The following C1orf167 variants were observed in gnomAD, a reference collection of about 807,000 sequenced individuals.
The protein encoded by C1orf167 is chromosome 1 open reading frame 167.
Under a neutral mutation model 176.5 loss-of-function variants are expected in C1orf167, and 153 were observed. That is an observed-to-expected ratio of 0.87 (90% CI 0.76 to 0.99). The LOEUF (loss-of-function observed/expected upper bound fraction) is 0.99. Among genes scored for constraint, C1orf167 ranks in the 50% least tolerant of loss-of-function variants. The pLI is 0.00. For missense variants in C1orf167, 1,490 were observed against 1,817.7 expected (o/e 0.82, Z 3.28); for synonymous variants, 594 against 752.7 (o/e 0.79, Z 3.45).
Position 11,766,303 on chromosome 1 carries a change from G to C in C1orf167, c.517G>C (p.Ala173Pro), listed in dbSNP as rs1342469366. 7.8e-7 allele frequency: 1 copy of C among 1,289,308 alleles called. No individual in the cohort carries two copies. The highest frequency in any genetic ancestry group is 1.2e-5 in the South Asian group (1 of 80,960). The allele number at this position is 1,289,308 out of a possible 1,614,324, so 79.9% of individuals were successfully genotyped here. A position where few individuals can be genotyped will look rare whatever the true frequency, so the allele number is the denominator to read the frequency against. Residue 173 changes from alanine to proline, a missense_variant, in exon 3 of 21, where the codon GCC becomes CCC. Coordinates refer to ENST00000688073, the MANE Select transcript of C1orf167 (RefSeq NM_001010881.2). This position sits in a 1 kb window ranked among gnomAD's most constrained non-coding sequence, Gnocchi z 4.5. ...SSCLRQSGLPAPGTPSGDFRP... is the reference protein window; with the variant it reads ...SSCLRQSGLPPPGTPSGDFRP... ...CTGCCTGAGGCAGTCCGGGCTGCCG[G>C]CCCCAGGCACCCCTAGCGGGGACTT...
rs879495708 is a variant in C1orf167 at position 11,784,454 on chromosome 1, CATGAG to C, written c.3287_3291del (p.His1096ArgfsTer27). On this transcript the variant is annotated frameshift_variant, in exon 15 of 21. Transcript: ENST00000688073. LOFTEE classifies it high-confidence loss of function. Reference sequence around the variant, plus strand: ...ATGGCCAGTGGCCCCGGGCATGCACCATGAGGCCCAGCAGCAGGCAGGAGAGAGCG... The same window carrying C: ...ATGGCCAGTGGCCCCGGGCATGCACCGCCCAGCAGCAGGCAGGAGAGAGCG... The C allele has an allele frequency of 3.1e-5, 40 of 1,303,402 alleles. No homozygotes were observed. The highest frequency in any genetic ancestry group is 3.8e-5 in the Non-Finnish European group (38 of 988,934). The allele number at this position is 1,303,402 out of a possible 1,614,324, so 80.7% of individuals were successfully genotyped here.
chr1:11,785,389 G>A (rs1643812984), intron 16 of C1orf167, 100 bp downstream of exon 16: 1 of 1,152,788 alleles, frequency 8.7e-7, no homozygotes, highest in Admixed American at 3.4e-5. Flanking sequence ...ACAGGTGAAG[G>A]GAGCCTAGGC....
chr1:11,763,338 G>T (rs1642617991), intron 1 of C1orf167, among the ~76,000 whole-genome samples: 1 of 152,046 alleles, frequency 6.6e-6, no homozygotes. Context: ...CTTGTTAGAG[G>T]CTGAGGTGGG....
chr1:11,782,974 C>T (rs1028092324), intron 14 of C1orf167, among the ~76,000 whole-genome samples: 3 of 151,412 alleles, frequency 2.0e-5, no homozygotes, highest in African/African-American at 7.3e-5. Context: ...TACCATAACG[C>T]CCATTGTGAG....
rs924831768 is a variant in C1orf167 at position 11,767,025 on chromosome 1, G to A, written c.1239G>A (p.Arg413=). 5.7e-6 allele frequency: 7 copies of A among 1,219,256 alleles called. No individual in the cohort carries two copies. Among genetic ancestry groups the A allele is most frequent in the Middle Eastern group, 4.8e-4 (2 of 4,180 alleles). 75.5% of individuals were successfully genotyped at this position (1,219,256 alleles called of 1,614,324 possible). ...GGGCCCCGAGGGAGCGGGTCCACAG[G>A]GAGGAGGAGAGGACAGCTTTCCATC... ...EEGAPRERVH[R]EEERTAFHLS... is the part of the protein sequence containing the mutation. Residue 413 remains arginine, a synonymous_variant, in exon 3 of 21, where the codon AGG becomes AGA. Transcript: ENST00000688073.
At position 11,788,345 on chromosome 1, in the gene C1orf167, T is replaced by A. The variant is rs1643960475; in HGVS notation, c.4045T>A (p.Cys1349Ser). ...CAGTGGCATGGCAGCACTGGGTGGATGCCCAAGGGGCAGAGCAGCTGGTGC... is the reference window on the plus strand; with the variant it reads ...CAGTGGCATGGCAGCACTGGGTGGAAGCCCAAGGGGCAGAGCAGCTGGTGC... ...PGSGMAALGGCPRGRAAGADP... is the reference protein window; with the variant it reads ...PGSGMAALGGSPRGRAAGADP... Residue 1349 changes from cysteine (C) to serine (S), a missense_variant, in exon 19 of 21, where the codon TGC (cysteine) becomes AGC (serine). Transcript: ENST00000688073. The A allele has an allele frequency of 1.5e-6, 2 of 1,300,732 alleles. No homozygotes were observed. The highest frequency in any genetic ancestry group is 2.5e-5 in the South Asian group (2 of 80,890). 80.6% of individuals were successfully genotyped at this position (1,300,732 alleles called of 1,614,324 possible).
chr1:11,788,451 A>C, intron 19 of C1orf167, 73 bp downstream of exon 19: 4 of 1,220,650 alleles, frequency 3.3e-6, no homozygotes, highest in African/African-American at 3.1e-5. Context: ...CCCCTCTCAA[A>C]AGTATGGCCC....
In C1orf167 at chr1:11,766,128, G is replaced by A; in HGVS notation, c.342G>A (p.Lys114=). 7.8e-7 allele frequency: 1 copy of A among 1,289,834 alleles called. No homozygotes were observed. Among genetic ancestry groups the A allele is most frequent in the South Asian group, 1.2e-5 (1 of 81,036 alleles). The allele number at this position is 1,289,834 out of a possible 1,614,324, so 79.9% of individuals were successfully genotyped here. A position where few individuals can be genotyped will look rare whatever the true frequency, so the allele number is the denominator to read the frequency against. The change falls in exon 3 of 21, where the codon AAG becomes AAA. Residue 114 remains lysine (K), a synonymous_variant. Transcript: ENST00000688073. The surrounding 1 kb of genome is among the most constrained non-coding windows in gnomAD (Gnocchi z 4.5). ...CCCTGGCCAGGAGGCGCCAAGGGAAGGCCCGAGAGTTTGCCATCCAGCAGA... is the reference window on the plus strand; with the variant it reads ...CCCTGGCCAGGAGGCGCCAAGGGAAAGCCCGAGAGTTTGCCATCCAGCAGA... ...LQSLARRRQG[K]AREFAIQQSN...
At position 11,764,351 on chromosome 1, in the gene C1orf167, C is replaced by G. The variant is rs1188687932; in HGVS notation, c.-50C>G. ...CGCAGGGCCCATCTGATTAAACAGA[C>G]CAGGCCACTCACTGTGGAGTGGACC... On this transcript the variant is annotated 5_prime_UTR_variant, in exon 2 of 21. Coordinates refer to ENST00000688073, the MANE Select transcript of C1orf167 (RefSeq NM_001010881.2). The G allele has an allele frequency of 3.2e-6, 4 of 1,258,418 alleles. No homozygotes were observed. Among genetic ancestry groups the G allele is most frequent in the Non-Finnish European group, 4.2e-6 (4 of 960,570 alleles). 78.0% of individuals were successfully genotyped at this position (1,258,418 alleles called of 1,614,324 possible).
intron 6 of C1orf167, 107 bp from the exon 7 acceptor site, chr1:11,771,417 C>T: frequency 1.9e-6 from 1 of 524,172 alleles, no homozygotes; most frequent in Non-Finnish European, 3.2e-6. Flanking sequence ...TCAGCGCCCC[C>T]TGCTCCCAAG....
intron 8 of C1orf167, among the ~76,000 whole-genome samples, chr1:11,774,534 T>C (rs1643222109): frequency 6.6e-6 from 1 of 152,278 alleles, no homozygotes; most frequent in Non-Finnish European, 1.5e-5. Context: ...TCAGTGGTGA[T>C]GTGAAGGATG....
chr1:11,787,804 G>C, intron 17 of C1orf167, 69 bp from the exon 18 acceptor site: 1 of 1,183,432 alleles, frequency 8.4e-7, no homozygotes, highest in Non-Finnish European at 1.1e-6. Flanking sequence ...TCAACTCCTA[G>C]GCGGGCACTA....
chr1:11,770,506 A>T (rs1373681162), intron 6 of C1orf167, among the ~76,000 whole-genome samples: 1 of 150,314 alleles, frequency 6.7e-6, no homozygotes, highest in Non-Finnish European at 1.5e-5. Context: ...AGTGTGTGGA[A>T]CAATCTGGCT....
chr1:11,768,765 G>T lies in C1orf167; in HGVS notation c.1543-208G>T, dbSNP rs1323526732. On this transcript the variant is annotated intron_variant, in intron 5 of 20. Transcript: ENST00000688073. This position sits in a 1 kb window ranked among gnomAD's most constrained non-coding sequence, Gnocchi z 4.5. Reference sequence around the variant, plus strand: ...GCAGCTTTCATCTTTTAAGGAAAGCGTTGCCTCTTGGGATGCATCGCTCTA... The same window carrying T: ...GCAGCTTTCATCTTTTAAGGAAAGCTTTGCCTCTTGGGATGCATCGCTCTA... 6.6e-6 allele frequency among the ~76,000 whole-genome samples: 1 copy of T among 152,118 alleles called. No individual in the cohort carries two copies. Among genetic ancestry groups the T allele is most frequent in the Non-Finnish European group, 1.5e-5 (1 of 68,020 alleles).
At chr1:11,783,623 G>C (rs896886392) in intron 14 of C1orf167, among the ~76,000 whole-genome samples, 9 of 152,148 alleles carry the variant, frequency 5.9e-5, no homozygotes, top group Admixed American at 5.9e-4. Context: ...CTGGGCATGT[G>C]ATGGGAGGCA....
chr1:11,767,037 G>A lies in C1orf167; in HGVS notation c.1251G>A (p.Arg417=). ...AGCGGGTCCACAGGGAGGAGGAGAGGACAGCTTTCCATCTGTCAGACACAG... is the reference window on the plus strand; with the variant it reads ...AGCGGGTCCACAGGGAGGAGGAGAGAACAGCTTTCCATCTGTCAGACACAG... ...PRERVHREEE[R]TAFHLSDTVP... Residue 417 remains arginine (R), a synonymous_variant, in exon 3 of 21, where the codon AGG becomes AGA. Transcript: ENST00000688073. 5 of 1,222,208 alleles carry A rather than the reference G, an allele frequency of 4.1e-6. No individual in the cohort carries two copies. In the South Asian group the frequency reaches 7.2e-5, roughly 18 times the overall value. The allele number at this position is 1,222,208 out of a possible 1,614,324, so 75.7% of individuals were successfully genotyped here.
Position 11,766,602 on chromosome 1 carries a change from C to T in C1orf167, c.816C>T (p.Thr272=), listed in dbSNP as rs751513523. 4 of 1,274,536 alleles carry T rather than the reference C, an allele frequency of 3.1e-6. No homozygotes were observed. The highest frequency in any genetic ancestry group is 4.1e-6 in the Non-Finnish European group (4 of 980,526). The allele number at this position is 1,274,536 out of a possible 1,614,324, so 79.0% of individuals were successfully genotyped here. A position where few individuals can be genotyped will look rare whatever the true frequency, so the allele number is the denominator to read the frequency against. The part of the protein sequence containing the change: ...PPGAVQQDLW[T]GGGQPFSAHP... ...GTGCTGTGCAGCAGGACCTCTGGAC[C>T]GGCGGCGGCCAGCCATTCTCCGCCC... Residue 272 remains threonine, a synonymous_variant, in exon 3 of 21, where the codon ACC becomes ACT. Coordinates refer to ENST00000688073, the MANE Select transcript of C1orf167 (RefSeq NM_001010881.2). This position sits in a 1 kb window ranked among gnomAD's most constrained non-coding sequence, Gnocchi z 4.5.
intron 8 of C1orf167, among the ~76,000 whole-genome samples, chr1:11,773,491 T>G (rs1296680008): frequency 1.3e-5 from 2 of 151,960 alleles, no homozygotes; most frequent in Non-Finnish European, 2.9e-5. Context: ...GTGGATCACT[T>G]GAGGTCAGGA....
At chr1:11,774,864 G>GA (rs1166349011) in intron 8 of C1orf167, among the ~76,000 whole-genome samples, 1 of 152,174 alleles carries the variant, frequency 6.6e-6, no homozygotes, top group Non-Finnish European at 1.5e-5. Context: ...GGAGGAGGCC[G>GA]AAAGTGGATG....
Sources: gnomAD v4.1 joint callset for allele counts (sites outside exome capture counted in the v4.1 genomes callset) on GRCh38, gnomAD v4.1.1 for gene constraint, Gnocchi (gnomAD v3.1) non-coding constraint, MANE v1.5 for transcripts, NCBI Gene and HGNC (gene_info 2026-07-23, HGNC 2026-07-21) for gene names.